SEMA6D: variants seen among roughly 807,000 people sequenced by gnomAD.
SEMA6D encodes semaphorin-6D.
SEMA6D carries 35 observed loss-of-function variants against 106.6 expected under a neutral mutation model. That is an observed-to-expected ratio of 0.33 (90% CI 0.25 to 0.44). SEMA6D has a LOEUF of 0.44. Among genes scored for constraint, SEMA6D ranks in the 20% least tolerant of loss-of-function variants. The probability of loss-of-function intolerance (pLI) is 1.00; values close to 1 mark genes in which losing one functional copy is unlikely to be tolerated. For synonymous variants in SEMA6D, 499 were observed against 487.7 expected (o/e 1.02, Z -0.31); for missense variants, 1,185 against 1,345.9 (o/e 0.88, Z 1.87).
At chr15:47,546,961 A>T (rs74013805) in intron 3 of SEMA6D, among the ~76,000 whole-genome samples, 10,524 of 152,132 alleles carry the variant, frequency 0.069, 365 homozygotes, top group South Asian at 0.095. Context: ...ACATCCTAGC[A>T]GACAGAAATA....
chr15:47,535,325 A>G (rs2045125208), intron 3 of SEMA6D, among the ~76,000 whole-genome samples: 1 of 152,126 alleles, frequency 6.6e-6, no homozygotes. Flanking sequence ...CACAGATAAG[A>G]ACATAAAGGT....
At chr15:47,322,374 G>A (rs944352329) in intron 1 of SEMA6D, among the ~76,000 whole-genome samples, 39 of 149,426 alleles carry the variant, frequency 2.6e-4, no homozygotes, top group African/African-American at 9.1e-4. Context: ...AATAATTTGT[G>A]ACAGTTCCTA....
At chr15:47,211,522 C>G (rs910659728) in intron 1 of SEMA6D, among the ~76,000 whole-genome samples, 3 of 152,018 alleles carry the variant, frequency 2.0e-5, no homozygotes, top group Admixed American at 6.6e-5. Flanking sequence ...ATGCATGATC[C>G]TAAACTGACA....
At chr15:47,307,460 G>A (rs1183093106) in intron 1 of SEMA6D, among the ~76,000 whole-genome samples, 1 of 152,140 alleles carries the variant, frequency 6.6e-6, no homozygotes, top group Non-Finnish European at 1.5e-5. Flanking sequence ...TGTCTTGACA[G>A]GTCCTTCTTT....
chr15:47,313,547 T>G (rs2036525864), intron 1 of SEMA6D, among the ~76,000 whole-genome samples: 1 of 152,226 alleles, frequency 6.6e-6, no homozygotes, highest in South Asian at 2.1e-4. Flanking sequence ...CTTCCAAGTT[T>G]TAGCAATTAT....
intron 4 of SEMA6D, among the ~76,000 whole-genome samples, chr15:47,687,252 T>C (rs913781101): frequency 6.6e-6 from 1 of 152,090 alleles, no homozygotes; most frequent in Non-Finnish European, 1.5e-5. Context: ...TACCAGGCAC[T>C]ATGGATACAG....
intron 2 of SEMA6D, among the ~76,000 whole-genome samples, chr15:47,462,625 C>T (rs781641628): frequency 1.3e-5 from 2 of 151,992 alleles, no homozygotes. Context: ...CTAGGTTCTT[C>T]GGATTTTCAG....
intron 2 of SEMA6D, among the ~76,000 whole-genome samples, chr15:47,466,026 G>A (rs933588674): frequency 2.6e-5 from 4 of 152,084 alleles, no homozygotes; most frequent in Non-Finnish European, 4.4e-5. Context: ...TTTATAGGTG[G>A]TATAATTGAC....
intron 1 of SEMA6D, among the ~76,000 whole-genome samples, chr15:47,318,317 G>A (rs1275276568): frequency 7.0e-6 from 1 of 142,898 alleles, no homozygotes; most frequent in Non-Finnish European, 1.5e-5. Context: ...TGCACAATGT[G>A]CAGGTTAGTT....
At chr15:47,611,780 A>G (rs1272585417) in intron 4 of SEMA6D, among the ~76,000 whole-genome samples, 1 of 152,252 alleles carries the variant, frequency 6.6e-6, no homozygotes, top group East Asian at 1.9e-4. Context: ...CATAAGAGCC[A>G]CTAAAGTGAA....
intron 2 of SEMA6D, among the ~76,000 whole-genome samples, chr15:47,428,811 C>A (rs2041430084): frequency 6.6e-6 from 1 of 151,812 alleles, no homozygotes; most frequent in Non-Finnish European, 1.5e-5. Context: ...ATTTTTGTCT[C>A]CCTGGCAATT....
chr15:47,367,737 G>C (rs916995807), intron 1 of SEMA6D, among the ~76,000 whole-genome samples: 5 of 151,508 alleles, frequency 3.3e-5, no homozygotes, highest in African/African-American at 1.2e-4. Context: ...CAGAGAGAGA[G>C]AAAGAGAGAG....
At chr15:47,727,800 AT>A (rs2146546884) in intron 1 of SEMA6D, among the ~76,000 whole-genome samples, 1 of 152,324 alleles carries the variant, frequency 6.6e-6, no homozygotes, top group South Asian at 2.1e-4. Flanking sequence ...ACAGTTTTTG[AT>A]TTAATGATAA....
chr15:47,316,102 C>CTTTTTTTTTTTTTTTTTTTTTTT (rs67090828), intron 1 of SEMA6D, among the ~76,000 whole-genome samples: 1,954 of 81,268 alleles, frequency 0.024, 373 homozygotes, highest in Middle Eastern at 0.062. Flanking sequence ...CATTTATTTC[C>CTTTTTTTTTTTTTTTTTTTTTTT]TTTTTTTTGA....
intron 1 of SEMA6D, among the ~76,000 whole-genome samples, chr15:47,248,759 A>G (rs2141887084): frequency 6.6e-6 from 1 of 152,332 alleles, no homozygotes; most frequent in East Asian, 1.9e-4. Flanking sequence ...CCTAATAGTT[A>G]GAGTTGAGTA....
At chr15:47,398,195 T>G (rs2040281690) in intron 1 of SEMA6D, among the ~76,000 whole-genome samples, 1 of 152,242 alleles carries the variant, frequency 6.6e-6, no homozygotes, top group South Asian at 2.1e-4. Context: ...AAGTGTTCTC[T>G]TTGTTCTCAC....
chr15:47,398,187 G>GTGTT (rs372726718), intron 1 of SEMA6D, among the ~76,000 whole-genome samples: 1 of 152,346 alleles, frequency 6.6e-6, no homozygotes, highest in African/African-American at 2.4e-5. Context: ...AACTCAGGAA[G>GTGTT]TGTTCTCTTT....
At chr15:47,326,585 C>T (rs890600056) in intron 1 of SEMA6D, among the ~76,000 whole-genome samples, 1 of 151,756 alleles carries the variant, frequency 6.6e-6, no homozygotes, top group Non-Finnish European at 1.5e-5. Context: ...GAGTTGTTTA[C>T]AAGCAATGTT....
intron 1 of SEMA6D, among the ~76,000 whole-genome samples, chr15:47,226,992 T>C (rs945426647): frequency 1.3e-5 from 2 of 152,064 alleles, no homozygotes; most frequent in Admixed American, 1.3e-4. Context: ...TGTGTCCTAT[T>C]CCCAAACAAG....
Sources: allele counts gnomAD v4.1 joint callset (sites outside exome capture counted in the v4.1 genomes callset), GRCh38; gene constraint gnomAD v4.1.1; transcripts MANE v1.5; gene names NCBI Gene and HGNC (gene_info 2026-07-23, HGNC 2026-07-21).